ATRNL1: variants seen among roughly 807,000 people sequenced by gnomAD.
ATRNL1 encodes attractin like 1, also known as attractin-like protein 1.
ATRNL1 carries 95 observed loss-of-function variants against 182.7 expected under a neutral mutation model. The ratio of observed to expected loss-of-function variants is 0.52; its 90% CI spans 0.44 to 0.62. The LOEUF is 0.62. Among genes scored for constraint, ATRNL1 ranks in the 20% least tolerant of loss-of-function variants. The pLI is 0.00. For missense variants in ATRNL1, 1,471 were observed against 1,679.5 expected (o/e 0.88, Z 2.17); for synonymous variants, 576 against 568.3 (o/e 1.01, Z -0.19).
chr10:115,664,833 G>A (rs1860907831), intron 26 of ATRNL1, among the ~76,000 whole-genome samples: 1 of 151,880 alleles, frequency 6.6e-6, no homozygotes, highest in Admixed American at 6.6e-5. Flanking sequence ...TTACCTAACT[G>A]TAATTTTATC....
intron 28 of ATRNL1, among the ~76,000 whole-genome samples, chr10:115,899,369 C>T (rs1952292472): frequency 2.0e-5 from 3 of 152,154 alleles, no homozygotes. Context: ...AAGGCAATGG[C>T]ATGATCTCGG....
At chr10:115,926,847 GA>G (rs1183072766) in intron 28 of ATRNL1, among the ~76,000 whole-genome samples, 1 of 151,934 alleles carries the variant, frequency 6.6e-6, no homozygotes, top group Non-Finnish European at 1.5e-5. Flanking sequence ...GAGGGTTTCA[GA>G]AGATACCATT....
At position 115,744,883 on chromosome 10, in the gene ATRNL1, T is replaced by C. The variant is rs149353368; in HGVS notation, c.3903+17528T>C. Among the ~76,000 whole-genome samples, 496 of 152,274 alleles carry C rather than the reference T, an allele frequency of 3.3e-3. 2 individuals carry two copies. The highest frequency in any genetic ancestry group is 0.011 in the African/African-American group (448 of 41,562). ...ATGTTAGCTATTTCTCTAAGAAAAG[T>C]AATATATCTTAATTGTAAAATTTTG... On this transcript the variant is annotated intron_variant, in intron 27 of 28. Transcript: ENST00000355044.
At chr10:115,538,453 T>C (rs1852168856) in intron 25 of ATRNL1, among the ~76,000 whole-genome samples, 1 of 137,310 alleles carries the variant, frequency 7.3e-6, no homozygotes, top group South Asian at 2.2e-4. Context: ...GCTAATGACG[T>C]TGAATATCTT....
At chr10:115,603,584 A>G (rs1251350111) in intron 26 of ATRNL1, among the ~76,000 whole-genome samples, 2 of 152,208 alleles carry the variant, frequency 1.3e-5, no homozygotes, top group Non-Finnish European at 2.9e-5. Flanking sequence ...TTCCATTTCA[A>G]TGTATAAAAC....
chr10:115,746,503 G>A (rs1555069208), intron 27 of ATRNL1, among the ~76,000 whole-genome samples: 1 of 151,972 alleles, frequency 6.6e-6, no homozygotes, highest in Non-Finnish European at 1.5e-5. Flanking sequence ...TTCTTTGATA[G>A]CATTTTATAG....
intron 27 of ATRNL1, among the ~76,000 whole-genome samples, chr10:115,818,444 C>T (rs1349677795): frequency 4.6e-5 from 7 of 152,036 alleles, no homozygotes; most frequent in Non-Finnish European, 1.0e-4. Context: ...GCTTAATGCC[C>T]TATTCAAAAA....
intron 24 of ATRNL1, among the ~76,000 whole-genome samples, chr10:115,485,514 T>C (rs1366188332): frequency 2.4e-4 from 37 of 152,174 alleles, no homozygotes; most frequent in South Asian, 2.1e-4. Context: ...TCTCTCAACA[T>C]TTTTTGAGAA....
At chr10:115,527,820 T>TCCTTCCTC (rs1178535702) in intron 25 of ATRNL1, among the ~76,000 whole-genome samples, 2 of 126,818 alleles carry the variant, frequency 1.6e-5, no homozygotes, top group Non-Finnish European at 3.4e-5. Context: ...CTTCCTTCCT[T>TCCTTCCTC]CCTTCCTCCC....
chr10:115,212,137 A>C (rs1849051009), intron 8 of ATRNL1, among the ~76,000 whole-genome samples: 5 of 151,812 alleles, frequency 3.3e-5, no homozygotes, highest in Admixed American at 3.3e-4. Flanking sequence ...ACACAGGTGT[A>C]CTGAGCTCAG....
chr10:115,524,015 A>G (rs1851085719), intron 25 of ATRNL1, among the ~76,000 whole-genome samples: 1 of 152,174 alleles, frequency 6.6e-6, no homozygotes, highest in South Asian at 2.1e-4. Flanking sequence ...TGAGGGCCTC[A>G]AGCTGTTTCC....
chr10:115,744,347 G>A (rs1251727180), intron 27 of ATRNL1, among the ~76,000 whole-genome samples: 6 of 152,032 alleles, frequency 3.9e-5, no homozygotes, highest in Non-Finnish European at 8.8e-5. Context: ...AAGTGCTTAT[G>A]ACATAATTGA....
intron 27 of ATRNL1, among the ~76,000 whole-genome samples, chr10:115,738,847 T>G (rs1478720488): frequency 1.3e-5 from 2 of 152,080 alleles, no homozygotes; most frequent in Non-Finnish European, 2.9e-5. Context: ...TAAAAGTCAT[T>G]TGTTTACAGT....
chr10:115,890,008 C>G (rs566876671), intron 28 of ATRNL1, among the ~76,000 whole-genome samples: 3 of 152,254 alleles, frequency 2.0e-5, no homozygotes, highest in African/African-American at 7.2e-5. Context: ...GATGAGACAA[C>G]AGCCACAAAG....
chr10:115,572,970 G>T (rs782464707), intron 26 of ATRNL1, among the ~76,000 whole-genome samples: 1 of 152,114 alleles, frequency 6.6e-6, no homozygotes, highest in Non-Finnish European at 1.5e-5. Context: ...TAGTGTCTAG[G>T]GGTGAGTGTC....
intron 5 of ATRNL1, among the ~76,000 whole-genome samples, chr10:115,131,886 C>G (rs1171382777): frequency 6.6e-6 from 1 of 152,046 alleles, no homozygotes; most frequent in African/African-American, 2.4e-5. Flanking sequence ...TAAGATAACA[C>G]AGAGGAAAAA....
intron 25 of ATRNL1, among the ~76,000 whole-genome samples, chr10:115,526,584 A>T (rs1283995510): frequency 6.6e-6 from 1 of 152,198 alleles, no homozygotes; most frequent in African/African-American, 2.4e-5. Context: ...GTCTTCTGCC[A>T]GGAACTGTGT....
intron 28 of ATRNL1, among the ~76,000 whole-genome samples, chr10:115,887,811 A>G (rs1367554606): frequency 1.3e-5 from 2 of 151,420 alleles, no homozygotes; most frequent in Non-Finnish European, 2.9e-5. Context: ...TATCTCTCAC[A>G]TCCCTCCTAT....
At chr10:115,393,936 A>T (rs899389805) in intron 19 of ATRNL1, among the ~76,000 whole-genome samples, 1 of 152,056 alleles carries the variant, frequency 6.6e-6, no homozygotes, top group Non-Finnish European at 1.5e-5. Flanking sequence ...TACAAAATGG[A>T]AAGTTTCGTC....
Sources: gnomAD v4.1 joint callset for allele counts (sites outside exome capture counted in the v4.1 genomes callset) on GRCh38, gnomAD v4.1.1 for gene constraint, MANE v1.5 for transcripts, NCBI Gene and HGNC (gene_info 2026-07-23, HGNC 2026-07-21) for gene names.